SRRM4: variants seen among roughly 807,000 people sequenced by gnomAD.
SRRM4 encodes serine/arginine repetitive matrix 4.
In SRRM4, 33 loss-of-function variants were observed where a neutral mutation model predicts 68.9. The observed-to-expected ratio is 0.48, with a 90% confidence interval of 0.36 to 0.64. The LOEUF (loss-of-function observed/expected upper bound fraction) is 0.64. Among genes scored for constraint, SRRM4 ranks in the 30% least tolerant of loss-of-function variants. SRRM4 has a pLI of 0.00. For missense variants in SRRM4, 817 were observed against 827.1 expected (o/e 0.99, Z 0.15); for synonymous variants, 318 against 318.8 (o/e 1.00, Z 0.03).
At position 118,986,956 on chromosome 12, in the gene SRRM4, C is replaced by A. The variant is rs554416784; in HGVS notation, c.131+4943C>A. Among the ~76,000 whole-genome samples, 83 of 152,026 alleles carry A rather than the reference C, an allele frequency of 5.5e-4. No individual in the cohort carries two copies. The South Asian group carries it at 0.017, about 31-fold the overall frequency. Reference sequence around the variant, plus strand: ...TTTCAGAGTGGCTGGATTTACCTTCCCGTGAAGTGGAAGAATTCACAGGGG... The same window carrying A: ...TTTCAGAGTGGCTGGATTTACCTTCACGTGAAGTGGAAGAATTCACAGGGG... On this transcript the variant is annotated intron_variant, in intron 1 of 12. Coordinates refer to ENST00000267260, the MANE Select transcript of SRRM4 (RefSeq NM_194286.4).
At chr12:119,037,526 C>G (rs1312813114) in intron 1 of SRRM4, among the ~76,000 whole-genome samples, 1 of 152,160 alleles carries the variant, frequency 6.6e-6, no homozygotes, top group Admixed American at 6.5e-5. Context: ...GAAAATAGAT[C>G]TGCGTGAATC....
At chr12:119,032,658 A>G (rs1427562311) in intron 1 of SRRM4, among the ~76,000 whole-genome samples, 3 of 152,162 alleles carry the variant, frequency 2.0e-5, no homozygotes, top group Non-Finnish European at 4.4e-5. Context: ...GCTAATCTCA[A>G]ATACTTTGGG....
intron 1 of SRRM4, among the ~76,000 whole-genome samples, chr12:119,036,318 C>A (rs1277692738): frequency 6.6e-6 from 1 of 152,124 alleles, no homozygotes; most frequent in Non-Finnish European, 1.5e-5. Flanking sequence ...TCTTTGATAG[C>A]CCGCTCTGGC....
At chr12:119,090,697 G>A (rs1954009383) in intron 1 of SRRM4, among the ~76,000 whole-genome samples, 1 of 152,106 alleles carries the variant, frequency 6.6e-6, no homozygotes, top group African/African-American at 2.4e-5. Flanking sequence ...TCCTTTCTTA[G>A]CCCCTAACTC....
intron 8 of SRRM4, among the ~76,000 whole-genome samples, chr12:119,136,015 T>C (rs1210368225): frequency 1.3e-5 from 2 of 150,410 alleles, no homozygotes; most frequent in African/African-American, 5.0e-5. Flanking sequence ...TCATGTAGCT[T>C]ATGCTCTGTG....
At chr12:119,022,023 C>A (rs1953519385) in intron 1 of SRRM4, among the ~76,000 whole-genome samples, 1 of 151,858 alleles carries the variant, frequency 6.6e-6, no homozygotes, top group Non-Finnish European at 1.5e-5. Flanking sequence ...CACATTGGGG[C>A]CTGTTGGTGG....
intron 1 of SRRM4, among the ~76,000 whole-genome samples, chr12:119,069,921 C>G (rs1953867366): frequency 6.6e-6 from 1 of 151,988 alleles, no homozygotes; most frequent in African/African-American, 2.4e-5. Context: ...AAATACCTAC[C>G]AGGGTCATAT....
chr12:119,095,575 C>T (rs11064660), intron 1 of SRRM4, among the ~76,000 whole-genome samples: 1 of 152,064 alleles, frequency 6.6e-6, no homozygotes, highest in Admixed American at 6.6e-5. Context: ...GTCCTCTATA[C>T]ACAGAAGGAG....
intron 1 of SRRM4, among the ~76,000 whole-genome samples, chr12:119,038,982 C>G (rs2136010392): frequency 6.6e-6 from 1 of 152,342 alleles, no homozygotes; most frequent in South Asian, 2.1e-4. Flanking sequence ...CAGATCTTGT[C>G]TACTTCAGCT....
intron 4 of SRRM4, 48 bp downstream of exon 4, chr12:119,117,056 G>A (rs759916338): frequency 6.7e-5 from 103 of 1,533,206 alleles, no homozygotes; most frequent in Non-Finnish European, 9.2e-5. Context: ...GTGGGGTGGG[G>A]AGGACAGTTG....
chr12:119,124,408 T>A (rs1954244258), intron 6 of SRRM4: 1 of 152,194 alleles, frequency 6.6e-6, no homozygotes, highest in Non-Finnish European at 1.5e-5. Flanking sequence ...GGGAAAGTTT[T>A]AAGCAGGGAA....
chr12:119,082,450 C>G (rs925701290), intron 1 of SRRM4, among the ~76,000 whole-genome samples: 1 of 152,224 alleles, frequency 6.6e-6, no homozygotes, highest in East Asian at 1.9e-4. Flanking sequence ...TGCTCTCTAG[C>G]GAGAAGGAGA....
At chr12:119,090,208 A>G (rs974785719) in intron 1 of SRRM4, among the ~76,000 whole-genome samples, 1 of 152,162 alleles carries the variant, frequency 6.6e-6, no homozygotes, top group African/African-American at 2.4e-5. Flanking sequence ...TGATGGTTAA[A>G]TACTTAACCA....
intron 1 of SRRM4, among the ~76,000 whole-genome samples, chr12:119,087,962 G>C (rs1187777499): frequency 6.6e-6 from 1 of 152,032 alleles, no homozygotes; most frequent in Non-Finnish European, 1.5e-5. Flanking sequence ...GTTTACTATG[G>C]GACTTAAATG....
chr12:118,983,095 C>G (rs1357302002), intron 1 of SRRM4, among the ~76,000 whole-genome samples: 2 of 152,170 alleles, frequency 1.3e-5, no homozygotes, highest in African/African-American at 4.8e-5. Context: ...GAAAACATGT[C>G]TGCAAAAGTG....
intron 1 of SRRM4, among the ~76,000 whole-genome samples, chr12:119,006,445 A>G (rs1445809347): frequency 6.6e-6 from 1 of 152,190 alleles, no homozygotes; most frequent in Non-Finnish European, 1.5e-5. Flanking sequence ...GAGATGAGGT[A>G]GAGTGGGAAG....
chr12:119,125,510 C>T (rs774424971), intron 7 of SRRM4, 31 bp downstream of exon 7: 1 of 1,589,420 alleles, frequency 6.3e-7, no homozygotes, highest in Non-Finnish European at 8.6e-7. Context: ...CCTCTTCTGT[C>T]AGCCACAGCC....
At chr12:119,030,572 G>A (rs1296970259) in intron 1 of SRRM4, among the ~76,000 whole-genome samples, 1 of 152,116 alleles carries the variant, frequency 6.6e-6, no homozygotes, top group Non-Finnish European at 1.5e-5. Flanking sequence ...AAAATTTGAA[G>A]GTAAACATTA....
chr12:118,991,161 T>A (rs1003242508), intron 1 of SRRM4, among the ~76,000 whole-genome samples: 2 of 152,196 alleles, frequency 1.3e-5, no homozygotes, highest in Non-Finnish European at 2.9e-5. Flanking sequence ...AGCCTCTTCA[T>A]GGTCCACTTC....
Sources: gnomAD v4.1 joint callset for allele counts (sites outside exome capture counted in the v4.1 genomes callset) on GRCh38, gnomAD v4.1.1 for gene constraint, MANE v1.5 for transcripts, NCBI Gene and HGNC (gene_info 2026-07-23, HGNC 2026-07-21) for gene names.